CDON: variants seen among roughly 807,000 people sequenced by gnomAD.
The protein encoded by CDON is cell adhesion associated, oncogene regulated.
Under a neutral mutation model 120.9 loss-of-function variants are expected in CDON, and 73 were observed. That is an observed-to-expected ratio of 0.60 (90% CI 0.50 to 0.73). The LOEUF (loss-of-function observed/expected upper bound fraction) is 0.73. CDON is among the 30% of genes least tolerant of loss of function. The pLI, the probability that CDON is intolerant of heterozygous loss-of-function variation, is 0.00. For missense variants in CDON, 1,470 were observed against 1,587.3 expected, an observed-to-expected ratio of 0.93 and a Z score of 1.26; for synonymous variants, 566 against 573.5, an observed-to-expected ratio of 0.99 and a Z score of 0.19.
At chr11:126,028,109 C>A (rs1211384000) in intron 1 of CDON, among the ~76,000 whole-genome samples, 1 of 150,866 alleles carries the variant, frequency 6.6e-6, no homozygotes, top group Non-Finnish European at 1.5e-5. Context: ...GTCGGTTTTA[C>A]AAGAATTGCT....
intron 15 of CDON, among the ~76,000 whole-genome samples, chr11:125,987,053 C>G (rs1374557015): frequency 6.6e-6 from 1 of 152,214 alleles, no homozygotes; most frequent in Non-Finnish European, 1.5e-5. Context: ...TATTCCGTAT[C>G]ATATATTAAA....
intron 7 of CDON, among the ~76,000 whole-genome samples, chr11:126,014,534 T>C (rs559294123): frequency 9.2e-5 from 14 of 152,190 alleles, no homozygotes; most frequent in Non-Finnish European, 1.5e-4. Context: ...AACACAGATA[T>C]GGTTTTATTC....
At position 125,983,935 on chromosome 11, in the gene CDON, G is replaced by C. The variant is rs749752333; in HGVS notation, c.2932C>G (p.Leu978Val). 8.1e-6 allele frequency: 13 copies of C among 1,614,116 alleles called. No individual in the cohort carries two copies. Among genetic ancestry groups the C allele is most frequent in the Non-Finnish European group, 8.5e-6 (10 of 1,180,028 alleles). Residue 978 changes from leucine to valine, a missense_variant, in exon 16 of 20, where the codon CTC becomes GTC. Transcript: ENST00000531738. ...IVGCVLGVMVLILMVFIAMCL... is the reference protein window; with the variant it reads ...IVGCVLGVMVVILMVFIAMCL... Reference sequence around the variant, plus strand: ...ATTGCAATGAAAACCATCAGAATGAGGACCATGACGCCCAGCACACAGCCA... The same window carrying C: ...ATTGCAATGAAAACCATCAGAATGACGACCATGACGCCCAGCACACAGCCA...
At chr11:126,053,789 G>C (rs1189450749) in intron 1 of CDON, among the ~76,000 whole-genome samples, 2 of 149,042 alleles carry the variant, frequency 1.3e-5, no homozygotes, top group Non-Finnish European at 2.9e-5. Context: ...GGGACAGTGA[G>C]AATGACGGAA....
chr11:126,035,775 A>G (rs887384321), intron 1 of CDON, among the ~76,000 whole-genome samples: 3 of 152,204 alleles, frequency 2.0e-5, no homozygotes, highest in Non-Finnish European at 4.4e-5. Context: ...CAATGCCCTG[A>G]TGAAACTAGA....
intron 7 of CDON, among the ~76,000 whole-genome samples, chr11:126,014,045 A>T (rs1351270674): frequency 6.6e-6 from 1 of 152,074 alleles, no homozygotes; most frequent in Non-Finnish European, 1.5e-5. Context: ...TATAATTTTA[A>T]ATGTCCAAAT....
intron 1 of CDON, among the ~76,000 whole-genome samples, chr11:126,051,732 C>T (rs1052833757): frequency 1.3e-5 from 2 of 150,648 alleles, no homozygotes; most frequent in African/African-American, 4.9e-5. Flanking sequence ...CCTGCAACCT[C>T]TGCCTCCCGA....
rs1022745259 is a variant in CDON at position 125,958,434 on chromosome 11, A to C, written c.*2508T>G. 1.3e-5 allele frequency: 2 copies of C among 152,040 alleles called. No individual in the cohort carries two copies. The highest frequency in any genetic ancestry group is 4.8e-5 in the African/African-American group (2 of 41,400). The allele number at this position is 152,040 out of a possible 1,614,324, so 9.4% of individuals were successfully genotyped here. A position where few individuals can be genotyped will look rare whatever the true frequency, so the allele number is the denominator to read the frequency against. ...TTAGTGCTGTCTCCCACACTGTACC[A>C]TGTCCTCTCATTTCCTGGTGAAGTG... On this transcript the variant is annotated 3_prime_UTR_variant, in exon 20 of 20. Coordinates refer to ENST00000531738, the MANE Select transcript of CDON (RefSeq NM_001378964.1).
At chr11:126,028,707 AATTT>A (rs60571626) in intron 1 of CDON, among the ~76,000 whole-genome samples, 9,992 of 145,830 alleles carry the variant, frequency 0.069, 363 homozygotes, top group African/African-American at 0.094. Flanking sequence ...AGCTGCGGAG[AATTT>A]ATTTATTTAT....
At chr11:125,964,909 G>A (rs1039073064) in intron 18 of CDON, among the ~76,000 whole-genome samples, 1 of 152,166 alleles carries the variant, frequency 6.6e-6, no homozygotes, top group African/African-American at 2.4e-5. Context: ...TGGCTGCCAC[G>A]TTTTGTTGAA....
chr11:126,056,338 TG>T (rs1364136693), intron 1 of CDON, among the ~76,000 whole-genome samples: 1 of 152,224 alleles, frequency 6.6e-6, no homozygotes, highest in Non-Finnish European at 1.5e-5. Flanking sequence ...AATGAAATCC[TG>T]ACCACGGATG....
chr11:126,022,101 CAAAAAAAAA>C lies in CDON; in HGVS notation c.77-590_77-582del, dbSNP rs56788784. Among the ~76,000 whole-genome samples, 8 of 56,558 alleles carry C rather than the reference CAAAAAAAAA, an allele frequency of 1.4e-4. No individual in the cohort carries two copies. In the East Asian group the frequency reaches 1.7e-3, roughly 12 times the overall value. The allele number at this position is 56,558 out of a possible 152,430, so 37.1% of individuals were successfully genotyped here. The stretch of plus-strand genomic sequence containing the variant: ...TGGGTGACAGTGGGAGACCCTGCTT[CAAAAAAAAA>C]AAAAAAAAAAAAAAAGAAAGAAGGA... On this transcript the variant is annotated intron_variant, in intron 2 of 19. Coordinates refer to ENST00000531738, the MANE Select transcript of CDON (RefSeq NM_001378964.1).
At chr11:125,969,378 C>T (rs1168579821) in intron 18 of CDON, among the ~76,000 whole-genome samples, 1 of 152,170 alleles carries the variant, frequency 6.6e-6, no homozygotes, top group African/African-American at 2.4e-5. Flanking sequence ...CATATCTGTA[C>T]ATATGTAAAC....
intron 8 of CDON, among the ~76,000 whole-genome samples, chr11:126,006,408 C>A (rs946862783): frequency 6.6e-6 from 1 of 152,288 alleles, no homozygotes; most frequent in East Asian, 1.9e-4. Context: ...TGGCTGACAC[C>A]TGTAATCCCA....
At chr11:126,032,775 G>C (rs1006911606) in intron 1 of CDON, among the ~76,000 whole-genome samples, 1 of 152,204 alleles carries the variant, frequency 6.6e-6, no homozygotes, top group African/African-American at 2.4e-5. Context: ...GGGAGGCCAA[G>C]GTGGGTGGAT....
At chr11:126,037,227 G>A (rs1001467495) in intron 1 of CDON, among the ~76,000 whole-genome samples, 4 of 151,752 alleles carry the variant, frequency 2.6e-5, no homozygotes, top group Non-Finnish European at 5.9e-5. Flanking sequence ...TCAGCCTCCC[G>A]AGTAGCTGGA....
intron 1 of CDON, among the ~76,000 whole-genome samples, chr11:126,037,105 C>CTT (rs35577601): frequency 1.4e-5 from 2 of 148,090 alleles, no homozygotes; most frequent in East Asian, 2.0e-4. Context: ...CATTTTCTTT[C>CTT]TTTTTTTTTT....
intron 18 of CDON, among the ~76,000 whole-genome samples, chr11:125,967,477 A>G (rs1243231007): frequency 6.6e-6 from 1 of 152,148 alleles, no homozygotes; most frequent in Non-Finnish European, 1.5e-5. Context: ...TTACACTTCA[A>G]TCTCCTGGAG....
chr11:125,965,924 C>A (rs1351132850), intron 18 of CDON, among the ~76,000 whole-genome samples: 1 of 152,146 alleles, frequency 6.6e-6, no homozygotes. Context: ...CACCTGACGT[C>A]GGGAGTTCGA....
Sources: allele counts gnomAD v4.1 joint callset (sites outside exome capture counted in the v4.1 genomes callset), GRCh38; gene constraint gnomAD v4.1.1; transcripts MANE v1.5; gene names NCBI Gene and HGNC (gene_info 2026-07-23, HGNC 2026-07-21).